Variants in SLCO5A1 observed in about 807,000 individuals in gnomAD.
The protein encoded by SLCO5A1 is solute carrier organic anion transporter family member 5A1.
SLCO5A1 carries 39 observed loss-of-function variants against 65.1 expected under a neutral mutation model. That is an observed-to-expected ratio of 0.60 (90% CI 0.46 to 0.78). SLCO5A1 has a LOEUF of 0.78. Ranked by LOEUF, SLCO5A1 falls within the 30% of genes least tolerant of loss-of-function variation. The pLI is 0.00. For missense variants in SLCO5A1, 1,029 were observed against 1,069.4 expected (o/e 0.96, Z 0.53); for synonymous variants, 438 against 415.7 (o/e 1.05, Z -0.65).
intron 5 of SLCO5A1, among the ~76,000 whole-genome samples, chr8:69,720,602 T>G (rs1369370552): frequency 6.6e-6 from 1 of 152,226 alleles, no homozygotes; most frequent in Non-Finnish European, 1.5e-5. Flanking sequence ...TAGGCACAAC[T>G]CAAGTTTCAA....
intron 8 of SLCO5A1, among the ~76,000 whole-genome samples, chr8:69,677,028 T>TTTTTTG (rs746744066): frequency 2.5e-4 from 37 of 148,884 alleles, no homozygotes; most frequent in Admixed American, 7.2e-4. Context: ...ACTGCACGGT[T>TTTTTTG]TTTTTGTTTT....
At position 69,813,481 on chromosome 8, in the gene SLCO5A1, C is replaced by T. The variant is rs972013159; in HGVS notation, c.907+18286G>A. Among the ~76,000 whole-genome samples, 6 of 152,282 alleles carry T rather than the reference C, an allele frequency of 3.9e-5. No individual in the cohort carries two copies. In the South Asian group the frequency reaches 1.0e-3, roughly 26 times the overall value. On this transcript the variant is annotated intron_variant, in intron 2 of 9. Transcript: ENST00000260126. ...TAGGGAACAAGGATTAGCGTTTTTG[C>T]AGGGTGACAGTTTAACGAGCAGTCA...
At chr8:69,711,204 C>G (rs1370052690) in intron 5 of SLCO5A1, among the ~76,000 whole-genome samples, 1 of 152,082 alleles carries the variant, frequency 6.6e-6, no homozygotes, top group African/African-American at 2.4e-5. Context: ...AGTTACGGTC[C>G]TGCCGCTAGC....
rs1405420523 is a variant in SLCO5A1, at chr8:69,766,508, T to A, written c.908-4633A>T. Among the ~76,000 whole-genome samples, 3 of 152,092 alleles carry A rather than the reference T, an allele frequency of 2.0e-5. 1 individual carries two copies. ...GTTGCTCTGTGTGCACATGTGTGTG[T>A]TTGTGTGTGTGTGTGTATGCATGTG... On this transcript the variant is annotated intron_variant, in intron 2 of 9. Coordinates refer to ENST00000260126, the MANE Select transcript of SLCO5A1 (RefSeq NM_030958.3).
chr8:69,832,773 C>T lies in SLCO5A1; in HGVS notation c.-100G>A. Reference sequence around the variant, plus strand: ...CCGAAGCCGGGCCCAGTCAGTCTTGCCCACCTGGGACTGGGGCTGGGGGCG... The same window carrying T: ...CCGAAGCCGGGCCCAGTCAGTCTTGTCCACCTGGGACTGGGGCTGGGGGCG... On this transcript the variant is annotated 5_prime_UTR_variant, in exon 2 of 10. Coordinates refer to ENST00000260126, the MANE Select transcript of SLCO5A1 (RefSeq NM_030958.3). The surrounding 1 kb of genome is among the most constrained non-coding windows in gnomAD (Gnocchi z 4.5). 1.4e-6 allele frequency: 2 copies of T among 1,390,560 alleles called. No homozygotes were observed. The highest frequency in any genetic ancestry group is 1.9e-6 in the Non-Finnish European group (2 of 1,045,114). The allele number at this position is 1,390,560 out of a possible 1,614,324, so 86.1% of individuals were successfully genotyped here. A position where few individuals can be genotyped will look rare whatever the true frequency, so the allele number is the denominator to read the frequency against.
intron 5 of SLCO5A1, chr8:69,719,598 C>T (rs902392587): frequency 4.6e-5 from 7 of 152,122 alleles, no homozygotes; most frequent in African/African-American, 1.2e-4. Flanking sequence ...GTAGCCCCCC[C>T]GAAGTTAAAA....
At chr8:69,689,812 G>A (rs1814165539) in intron 6 of SLCO5A1, among the ~76,000 whole-genome samples, 1 of 151,814 alleles carries the variant, frequency 6.6e-6, no homozygotes, top group Non-Finnish European at 1.5e-5. Flanking sequence ...GGATTGACTT[G>A]GTGATGCGGG....
rs758799500 is a variant in SLCO5A1, at chr8:69,831,810, G to A, written c.864C>T (p.Tyr288=). The change falls in exon 2 of 10, where the codon TAC becomes TAT. Residue 288 remains tyrosine (Y), a synonymous_variant. Transcript: ENST00000260126. ...TTTCTTTCTTGACATTGTCATCTAAGTAGGTTGGTCCCAGGGTATAAATAG... is the reference window on the plus strand; with the variant it reads ...TTTCTTTCTTGACATTGTCATCTAAATAGGTTGGTCCCAGGGTATAAATAG... ...STPIYTLGPT[Y]LDDNVKKENS... The A allele has an allele frequency of 6.2e-7, 1 of 1,614,150 alleles. No individual in the cohort carries two copies.
intron 6 of SLCO5A1, among the ~76,000 whole-genome samples, chr8:69,684,123 AC>A (rs34080066): frequency 0.061 from 9,244 of 152,176 alleles, 572 homozygotes; most frequent in African/African-American, 0.16. Flanking sequence ...GTATGACAAG[AC>A]TCTAATAATC....
At chr8:69,792,772 A>G (rs1311323521) in intron 2 of SLCO5A1, among the ~76,000 whole-genome samples, 3 of 152,170 alleles carry the variant, frequency 2.0e-5, no homozygotes, top group Non-Finnish European at 4.4e-5. Context: ...TAATGAAATT[A>G]AAGTCAAGAT....
intron 9 of SLCO5A1, among the ~76,000 whole-genome samples, chr8:69,676,207 G>A (rs972549515): frequency 4.6e-5 from 7 of 152,144 alleles, no homozygotes; most frequent in African/African-American, 1.2e-4. Flanking sequence ...TAAAATTACT[G>A]TAAAGAAGTG....
rs1256777353 is a variant in SLCO5A1, at chr8:69,668,097, G to GTTT, written c.*4769_*4771dup. The GTTT allele has an allele frequency of 1.3e-5, 2 of 151,920 alleles. No homozygotes were observed. Among genetic ancestry groups the GTTT allele is most frequent in the East Asian group, 1.9e-4 (1 of 5,198 alleles). The allele number at this position is 151,920 out of a possible 1,614,324, so 9.4% of individuals were successfully genotyped here. A position where few individuals can be genotyped will look rare whatever the true frequency, so the allele number is the denominator to read the frequency against. ...ACCTAGGGAGGGTTTTTTGTTTTCT[G>GTTT]TTTTTTGTTGTTGTTGTTGTATTTG... On this transcript the variant is annotated 3_prime_UTR_variant, in exon 10 of 10. Transcript: ENST00000260126.
At chr8:69,778,545 A>T (rs868715660) in intron 2 of SLCO5A1, among the ~76,000 whole-genome samples, 2,243 of 152,126 alleles carry the variant, frequency 0.015, 49 homozygotes, top group African/African-American at 0.049. Flanking sequence ...ACAATGTGGG[A>T]TTTTGGTGTT....
chr8:69,832,097 G>C lies in SLCO5A1; in HGVS notation c.577C>G (p.Arg193Gly). The C allele has an allele frequency of 6.2e-7, 1 of 1,613,968 alleles. No individual in the cohort carries two copies. The highest frequency in any genetic ancestry group is 1.1e-5 in the South Asian group (1 of 91,074). ...VFVSYFGGRGRRPLWLAVGGL... is the reference protein window; with the variant it reads ...VFVSYFGGRGGRPLWLAVGGL... ...CCCACGGCCAGCCACAGGGGCCGCC[G>C]ACCCCGGCCGCCGAAGTAGCTGACG... Residue 193 changes from arginine (R) to glycine (G), a missense_variant, in exon 2 of 10, where the codon CGG becomes GGG. Arg to Gly is a moderately radical substitution (Grantham distance 125). Transcript: ENST00000260126. The surrounding 1 kb of genome is among the most constrained non-coding windows in gnomAD (Gnocchi z 4.5).
intron 2 of SLCO5A1, among the ~76,000 whole-genome samples, chr8:69,812,848 A>G (rs1586827152): frequency 6.6e-6 from 1 of 152,212 alleles, no homozygotes; most frequent in Non-Finnish European, 1.5e-5. Context: ...AGATTTATGT[A>G]TATCTTTAAG....
intron 2 of SLCO5A1, among the ~76,000 whole-genome samples, chr8:69,826,296 A>C (rs919473613): frequency 1.3e-5 from 2 of 151,844 alleles, no homozygotes; most frequent in African/African-American, 4.8e-5. Context: ...TAATTAAACT[A>C]AAGAGCTTCT....
chr8:69,800,901 G>C (rs1024099927), intron 2 of SLCO5A1, among the ~76,000 whole-genome samples: 1 of 152,138 alleles, frequency 6.6e-6, no homozygotes, highest in Non-Finnish European at 1.5e-5. Context: ...GGCCACAATT[G>C]GTCACATGGC....
rs1361462223 is a variant in SLCO5A1 at position 69,669,724 on chromosome 8, G to C, written c.*3145C>G. 6.6e-6 allele frequency: 1 copy of C among 151,928 alleles called. No individual in the cohort carries two copies. The highest frequency in any genetic ancestry group is 1.5e-5 in the Non-Finnish European group (1 of 68,014). The allele number at this position is 151,928 out of a possible 1,614,324, so 9.4% of individuals were successfully genotyped here. On this transcript the variant is annotated 3_prime_UTR_variant, in exon 10 of 10. Coordinates refer to ENST00000260126, the MANE Select transcript of SLCO5A1 (RefSeq NM_030958.3). ...CCAGTTCCTCAGGAGACTGAAACAG[G>C]AGAATCACTTGAACCCAGGAAGCGG...
chr8:69,691,155 TAC>T (rs778933421), intron 6 of SLCO5A1, among the ~76,000 whole-genome samples: 12 of 152,206 alleles, frequency 7.9e-5, no homozygotes, highest in Non-Finnish European at 1.6e-4. Context: ...CTGTATGAAG[TAC>T]AGTCTGGCAG....
Sources: gnomAD v4.1 joint callset for allele counts (sites outside exome capture counted in the v4.1 genomes callset) on GRCh38, gnomAD v4.1.1 for gene constraint, Gnocchi (gnomAD v3.1) non-coding constraint, MANE v1.5 for transcripts, NCBI Gene and HGNC (gene_info 2026-07-23, HGNC 2026-07-21) for gene names.